Variants in NYAP2 observed in about 807,000 individuals in gnomAD.
NYAP2 encodes the protein neuronal tyrosine-phosphorylated phosphoinositide-3-kinase adapter 2.
NYAP2 carries 23 observed loss-of-function variants against 50.4 expected under a neutral mutation model. The ratio of observed to expected loss-of-function variants is 0.46; its 90% CI spans 0.33 to 0.65. The LOEUF (loss-of-function observed/expected upper bound fraction) is 0.65. Ranked by LOEUF, NYAP2 falls within the 30% of genes least tolerant of loss-of-function variation. NYAP2 has a pLI of 0.02. For missense variants in NYAP2, 885 were observed against 861.0 expected (o/e 1.03, Z -0.35); for synonymous variants, 394 against 365.2 (o/e 1.08, Z -0.90).
chr2:225,520,485 A>C (rs566815385), intron 4 of NYAP2, among the ~76,000 whole-genome samples: 26 of 152,290 alleles, frequency 1.7e-4, no homozygotes, highest in South Asian at 4.1e-4. Context: ...TCAGCTTTCT[A>C]CATATGGCTA....
chr2:225,668,202 G>A, the NYAP2 span, among the ~76,000 whole-genome samples: 6 of 152,088 alleles, frequency 3.9e-5, no homozygotes, highest in Non-Finnish European at 1.5e-5. Flanking sequence ...AGTCCAGAAC[G>A]ATTTTGCTTT....
Position 225,560,468 on chromosome 2 carries a change from T to C in NYAP2, c.524-21473T>C, listed in dbSNP as rs74769638. Among the ~76,000 whole-genome samples the C allele has an allele frequency of 3.9e-5, 6 of 152,198 alleles. No homozygotes were observed. The East Asian group carries it at 7.7e-4, about 20-fold the overall frequency. ...AAGTACAATCTTCCAGGCAAGGACA[T>C]TGAGCTTTTCAAAGAATTTGATACA... On this transcript the variant is annotated intron_variant, in intron 4 of 6. Transcript: ENST00000636099.
intron 5 of NYAP2, among the ~76,000 whole-genome samples, chr2:225,599,427 C>T (rs949176863): frequency 1.2e-4 from 19 of 152,140 alleles, no homozygotes; most frequent in African/African-American, 4.3e-4. Flanking sequence ...AGAACCCAAA[C>T]AGAAGGTCAT....
the NYAP2 span, among the ~76,000 whole-genome samples, chr2:225,680,927 A>G: frequency 1.8e-4 from 27 of 152,168 alleles, no homozygotes; most frequent in Non-Finnish European, 2.8e-4. Context: ...TTCACCCCAG[A>G]TCTGGCTATA....
At chr2:225,658,233 C>G (rs572866849), downstream of NYAP2, among the ~76,000 whole-genome samples, 1 of 152,218 alleles carries the variant, frequency 6.6e-6, no homozygotes, top group East Asian at 1.9e-4. Flanking sequence ...AAAATTGGCT[C>G]TTATTATTTA....
At chr2:225,679,417 C>A in the NYAP2 span, among the ~76,000 whole-genome samples, 1 of 150,864 alleles carries the variant, frequency 6.6e-6, no homozygotes, top group Admixed American at 6.6e-5. Flanking sequence ...CACCACCCAA[C>A]AGAATTTCAA....
intron 3 of NYAP2, among the ~76,000 whole-genome samples, chr2:225,441,765 A>G (rs918910451): frequency 6.6e-6 from 1 of 152,210 alleles, no homozygotes; most frequent in Non-Finnish European, 1.5e-5. Flanking sequence ...TTACAATTCA[A>G]GATAAGATTT....
At chr2:225,688,378 G>A in the NYAP2 span, among the ~76,000 whole-genome samples, 2 of 152,132 alleles carry the variant, frequency 1.3e-5, no homozygotes, top group Admixed American at 6.5e-5. Context: ...CTCAGAAAAT[G>A]TTACACTTAG....
chr2:225,530,009 A>T (rs534504256), intron 4 of NYAP2, among the ~76,000 whole-genome samples: 1 of 152,310 alleles, frequency 6.6e-6, no homozygotes, highest in East Asian at 1.9e-4. Flanking sequence ...GCCTGGCCTC[A>T]GTCAGTATTT....
At chr2:225,598,486 T>G (rs1340313330) in intron 5 of NYAP2, among the ~76,000 whole-genome samples, 1 of 152,156 alleles carries the variant, frequency 6.6e-6, no homozygotes, top group African/African-American at 2.4e-5. Flanking sequence ...TGAAGTGTTG[T>G]TTCTAAGTAC....
intron 3 of NYAP2, 51 bp downstream of exon 3, chr2:225,409,152 G>A: frequency 7.5e-7 from 1 of 1,330,350 alleles, no homozygotes; most frequent in Non-Finnish European, 1.0e-6. Context: ...GAAAGTCCAT[G>A]AGGGCTGCTA....
chr2:225,544,392 G>A (rs1055072007), intron 4 of NYAP2, among the ~76,000 whole-genome samples: 1 of 151,580 alleles, frequency 6.6e-6, no homozygotes, highest in African/African-American at 2.4e-5. Context: ...TCTCGTGGTA[G>A]GATTAAATTT....
chr2:225,518,558 ATATATATAT>A (rs1559202524), intron 4 of NYAP2, among the ~76,000 whole-genome samples: 18,292 of 75,098 alleles, frequency 0.24, 5,130 homozygotes, highest in South Asian at 0.36. Flanking sequence ...ATATATATAT[ATATATATAT>A]ATTAGCGTGT....
chr2:225,573,690 C>T (rs559913076), intron 4 of NYAP2, among the ~76,000 whole-genome samples: 9 of 152,258 alleles, frequency 5.9e-5, no homozygotes, highest in Non-Finnish European at 1.0e-4. Flanking sequence ...TTGAAGAATG[C>T]TTCACTCACA....
chr2:225,426,521 A>T (rs1197562605), intron 3 of NYAP2, among the ~76,000 whole-genome samples: 1 of 152,184 alleles, frequency 6.6e-6, no homozygotes, highest in Non-Finnish European at 1.5e-5. Context: ...GATTGATTCA[A>T]TGATTGATAT....
chr2:225,642,525 G>T (rs962631332), intron 6 of NYAP2, among the ~76,000 whole-genome samples: 1 of 152,126 alleles, frequency 6.6e-6, no homozygotes, highest in African/African-American at 2.4e-5. Context: ...GGAAGTGATG[G>T]GAGTTTAGCA....
At chr2:225,511,068 G>A (rs1690804625) in intron 3 of NYAP2, among the ~76,000 whole-genome samples, 1 of 152,176 alleles carries the variant, frequency 6.6e-6, no homozygotes, top group African/African-American at 2.4e-5. Context: ...AATCCTTAAA[G>A]CACCTTTTGT....
Position 225,582,148 on chromosome 2 carries a change from T to C in NYAP2, c.731T>C (p.Val244Ala). 1 of 1,613,926 alleles carries C rather than the reference T, an allele frequency of 6.2e-7. No individual in the cohort carries two copies. The highest frequency in any genetic ancestry group is 8.5e-7 in the Non-Finnish European group (1 of 1,179,842). Residue 244 changes from valine (V) to alanine (A), a missense_variant, in exon 5 of 7, where the codon GTG (valine) becomes GCG (alanine). Coordinates refer to ENST00000636099, the Ensembl canonical transcript of NYAP2. The surrounding 1 kb of genome is among the most constrained non-coding windows in gnomAD (Gnocchi z 7.0). Reference sequence around the variant, plus strand: ...GGAGACCCCGAGGAAGAGGAGCCCGTGTACATCGAGATGGTGGGGAACATT... The same window carrying C: ...GGAGACCCCGAGGAAGAGGAGCCCGCGTACATCGAGATGGTGGGGAACATT...
chr2:225,687,906 C>T, the NYAP2 span, among the ~76,000 whole-genome samples: 1 of 152,138 alleles, frequency 6.6e-6, no homozygotes, highest in Non-Finnish European at 1.5e-5. Flanking sequence ...GGGTATCTCT[C>T]AAAATGTGGT....
Sources: allele counts gnomAD v4.1 joint callset (sites outside exome capture counted in the v4.1 genomes callset), GRCh38; gene constraint gnomAD v4.1.1; non-coding constraint Gnocchi (gnomAD v3.1); transcripts MANE v1.5; gene names NCBI Gene and HGNC (gene_info 2026-07-23, HGNC 2026-07-21).